OSBPL5: variants seen among roughly 807,000 people sequenced by gnomAD.
The protein encoded by OSBPL5 is oxysterol-binding protein-related protein 5.
Under a neutral mutation model 111.2 loss-of-function variants are expected in OSBPL5, and 71 were observed. The observed-to-expected ratio is 0.64, with a 90% CI of 0.53 to 0.78. The LOEUF is 0.78. Among genes scored for constraint, OSBPL5 ranks in the 30% least tolerant of loss-of-function variants. The pLI is 0.00. For missense variants in OSBPL5, 1,210 were observed against 1,189.3 expected, an observed-to-expected ratio of 1.02 and a Z score of -0.26; for synonymous variants, 549 against 513.9, an observed-to-expected ratio of 1.07 and a Z score of -0.93.
intron 1 of OSBPL5, among the ~76,000 whole-genome samples, chr11:3,158,692 AG>A (rs1430743902): frequency 2.0e-5 from 3 of 152,236 alleles, no homozygotes. Flanking sequence ...GGAGAGAGGG[AG>A]GGAGGAAGGA....
intron 12 of OSBPL5, 147 bp downstream of exon 12, chr11:3,102,036 G>A (rs1038928060): frequency 1.2e-5 from 9 of 748,744 alleles, no homozygotes; most frequent in Non-Finnish European, 2.0e-5. Context: ...TGGGTCCACA[G>A]CCCTTCCGGT....
intron 15 of OSBPL5, 86 bp downstream of exon 15, chr11:3,094,151 T>A (rs1399184825): frequency 7.5e-7 from 1 of 1,336,632 alleles, no homozygotes; most frequent in Non-Finnish European, 1.0e-6. Flanking sequence ...GGAACCTTCC[T>A]TGGGGCCTGG....
At position 3,126,461 on chromosome 11, in the gene OSBPL5, C is replaced by G; in HGVS notation, c.219+12G>C. Reference sequence around the variant, plus strand: ...CTCTGGCTCATGGATCCTCCTATACCCAGGCTCTTACCGGTGGCACCTTCG... The same window carrying G: ...CTCTGGCTCATGGATCCTCCTATACGCAGGCTCTTACCGGTGGCACCTTCG... On this transcript the variant is annotated intron_variant, in intron 3 of 21. Transcript: ENST00000263650. The surrounding 1 kb of genome is among the most constrained non-coding windows in gnomAD (Gnocchi z 6.5). 1 of 1,605,994 alleles carries G rather than the reference C, an allele frequency of 6.2e-7. No homozygotes were observed. The highest frequency in any genetic ancestry group is 8.5e-7 in the Non-Finnish European group (1 of 1,177,584).
intron 1 of OSBPL5, among the ~76,000 whole-genome samples, chr11:3,155,171 C>G (rs1438984914): frequency 6.6e-6 from 1 of 152,226 alleles, no homozygotes; most frequent in African/African-American, 2.4e-5. Context: ...AACGTCTGGG[C>G]TGCTTAGTGG....
chr11:3,112,012 C>CGT (rs1451058274), intron 7 of OSBPL5, among the ~76,000 whole-genome samples: 2 of 114,120 alleles, frequency 1.8e-5, no homozygotes, highest in Non-Finnish European at 3.9e-5. Flanking sequence ...TGTGTGTGCG[C>CGT]GCATGTGTGT....
At chr11:3,138,866 G>T (rs906392073) in intron 1 of OSBPL5, among the ~76,000 whole-genome samples, 10 of 152,242 alleles carry the variant, frequency 6.6e-5, no homozygotes, top group Non-Finnish European at 1.0e-4. Flanking sequence ...TCCTCATCTG[G>T]CCCCAGCCTG....
chr11:3,092,703 G>A lies in OSBPL5; in HGVS notation c.2133-145C>T. 1 of 1,350,026 alleles carries A rather than the reference G, an allele frequency of 7.4e-7. No homozygotes were observed. The allele number at this position is 1,350,026 out of a possible 1,614,324, so 83.6% of individuals were successfully genotyped here. On this transcript the variant is annotated intron_variant, in intron 18 of 21. Transcript: ENST00000263650. This position sits in a 1 kb window ranked among gnomAD's most constrained non-coding sequence, Gnocchi z 5.4. ...CCACACCCCATGGGCAGGGCCTGCA[G>A]TAAGGACTGATGATGGGGGGTGTCA...
At chr11:3,132,592 T>C (rs1310801377) in intron 1 of OSBPL5, among the ~76,000 whole-genome samples, 1 of 151,856 alleles carries the variant, frequency 6.6e-6, no homozygotes, top group Non-Finnish European at 1.5e-5. Flanking sequence ...TCGCCCACTC[T>C]GCTCCAGCCA....
chr11:3,163,529 T>TGGGGGGGGGGGG (rs199830392), intron 1 of OSBPL5, among the ~76,000 whole-genome samples: 2 of 102,834 alleles, frequency 1.9e-5, no homozygotes, highest in African/African-American at 4.2e-5. Context: ...AGGGGTTGGG[T>TGGGGGGGGGGGG]GGGGGGGGCG....
rs370674687 is a variant in OSBPL5 at position 3,088,920 on chromosome 11, C to CT, written c.2502-578_2502-577insA. On this transcript the variant is annotated intron_variant, in intron 21 of 21. Coordinates refer to ENST00000263650, the MANE Select transcript of OSBPL5 (RefSeq NM_020896.4). ...CTCCGGGACCGCGAGGGAGTAGACG[C>CT]GCTGTCCGAGCCCCTTGCCGGCAGT... 2.9e-3 allele frequency among the ~76,000 whole-genome samples: 434 copies of CT among 152,226 alleles called. 2 individuals carry two copies. The highest frequency in any genetic ancestry group is 0.01 in the African/African-American group (416 of 41,526).
Position 3,106,561 on chromosome 11 carries a change from C to T in OSBPL5, c.1059+702G>A, listed in dbSNP as rs922794059. Among the ~76,000 whole-genome samples the T allele has an allele frequency of 1.3e-5, 2 of 152,204 alleles. No homozygotes were observed. The highest frequency in any genetic ancestry group is 2.9e-5 in the Non-Finnish European group (2 of 68,024). ...GTTCTCTCCAGCTGCGGGGAGTCAG[C>T]TGCCCTGGCTGTTCATCTGCAGGCA... On this transcript the variant is annotated intron_variant, in intron 9 of 21. Transcript: ENST00000263650. This position sits in a 1 kb window ranked among gnomAD's most constrained non-coding sequence, Gnocchi z 8.4.
chr11:3,127,103 C>T (rs1304162990), intron 2 of OSBPL5, among the ~76,000 whole-genome samples: 2 of 152,170 alleles, frequency 1.3e-5, no homozygotes, highest in African/African-American at 2.4e-5. Flanking sequence ...TGGGAAATGG[C>T]CTCCCCTCCC....
rs578089299 is a variant in OSBPL5 at position 3,120,273 on chromosome 11, C to T, written c.606+148G>A. 299 of 951,174 alleles carry T rather than the reference C, an allele frequency of 3.1e-4. 2 individuals are homozygous for T. In the Admixed American group the frequency reaches 3.4e-3, roughly 11 times the overall value. 58.9% of individuals were successfully genotyped at this position (951,174 alleles called of 1,614,324 possible). A position where few individuals can be genotyped will look rare whatever the true frequency, so the allele number is the denominator to read the frequency against. On this transcript the variant is annotated intron_variant, in intron 6 of 21. Coordinates refer to ENST00000263650, the MANE Select transcript of OSBPL5 (RefSeq NM_020896.4). ...CAGTGGCCATATCTGATCCCCTGGC[C>T]GCATGTGGGGCTCAGAGAAGGTGAG...
At chr11:3,111,971 ATATGTGTGCGCGCATGTGT>A (rs1857961089) in intron 7 of OSBPL5, among the ~76,000 whole-genome samples, 1 of 115,422 alleles carries the variant, frequency 8.7e-6, no homozygotes, top group South Asian at 2.9e-4. Flanking sequence ...GTGTGTGTGC[ATATGTGTGCGCGCATGTGT>A]GTGCATGTGT....
chr11:3,103,862 A>AGCCCTCTTCCAGCCTGTGCC (rs1857593586), intron 10 of OSBPL5, among the ~76,000 whole-genome samples: 3 of 35,956 alleles, frequency 8.3e-5, no homozygotes, highest in Admixed American at 5.7e-4. Flanking sequence ...CAGTCTGCGC[A>AGCCCTCTTCCAGCCTGTGCC]GCCCCCTTCC....
chr11:3,139,818 C>T (rs947469441), intron 1 of OSBPL5, among the ~76,000 whole-genome samples: 7 of 152,200 alleles, frequency 4.6e-5, no homozygotes, highest in African/African-American at 1.2e-4. Flanking sequence ...CTGGAGTCCC[C>T]GAGGCCCAGC....
intron 1 of OSBPL5, among the ~76,000 whole-genome samples, chr11:3,156,762 G>A (rs939854088): frequency 3.3e-5 from 5 of 152,226 alleles, no homozygotes; most frequent in African/African-American, 1.2e-4. Context: ...CCTGCTCTGA[G>A]AGCCCATGCC....
At chr11:3,112,057 A>ATGTGTGTGTATGTGTGCGCGCATG (rs71035484) in intron 7 of OSBPL5, among the ~76,000 whole-genome samples, 6 of 118,164 alleles carry the variant, frequency 5.1e-5, no homozygotes, top group Non-Finnish European at 1.1e-4. Flanking sequence ...ATGTGTGTGC[A>ATGTGTGTGTATGTGTGCGCGCATG]TGTGTATGTG....
chr11:3,155,614 C>T (rs1435104658), intron 1 of OSBPL5, among the ~76,000 whole-genome samples: 1 of 150,320 alleles, frequency 6.7e-6, no homozygotes, highest in Non-Finnish European at 1.5e-5. Context: ...TTGCCACTCA[C>T]CCCAGGTCTG....
Sources: gnomAD v4.1 joint callset for allele counts (sites outside exome capture counted in the v4.1 genomes callset) on GRCh38, gnomAD v4.1.1 for gene constraint, Gnocchi (gnomAD v3.1) non-coding constraint, MANE v1.5 for transcripts, NCBI Gene and HGNC (gene_info 2026-07-23, HGNC 2026-07-21) for gene names.